ZSCAN25: variants seen among roughly 807,000 people sequenced by gnomAD.
The protein encoded by ZSCAN25 is zinc finger and SCAN domain containing 25, also known as zinc finger and SCAN domain-containing protein 25.
In ZSCAN25, 27 loss-of-function variants were observed where a neutral mutation model predicts 38.7. The observed-to-expected ratio is 0.70, with a 90% CI of 0.51 to 0.96. The LOEUF (loss-of-function observed/expected upper bound fraction) is 0.96, where lower values mean the gene tolerates loss of function less well. Among genes scored for constraint, ZSCAN25 ranks in the 40% least tolerant of loss-of-function variants. The probability of loss-of-function intolerance (pLI) is 0.00; values close to 1 mark genes in which losing one functional copy is unlikely to be tolerated. For synonymous variants in ZSCAN25, 273 were observed against 277.7 expected (o/e 0.98, Z 0.17); for missense variants, 637 against 705.9 (o/e 0.90, Z 1.11).
the ZSCAN25 span, among the ~76,000 whole-genome samples, chr7:99,679,281 A>G: frequency 2.0e-5 from 3 of 152,142 alleles, no homozygotes; most frequent in Non-Finnish European, 4.4e-5. Flanking sequence ...ACAGCTTCCC[A>G]TGAAGTCTTG....
chr7:99,713,679 G>C, the ZSCAN25 span: 2 of 1,085,372 alleles, frequency 1.8e-6, no homozygotes, highest in Admixed American at 4.2e-5. Flanking sequence ...AGTCACCAGT[G>C]AAAAGGAATA....
intron 7 of ZSCAN25, among the ~76,000 whole-genome samples, chr7:99,624,975 C>T (rs1807345031): frequency 6.6e-6 from 1 of 152,138 alleles, no homozygotes; most frequent in Non-Finnish European, 1.5e-5. Flanking sequence ...TGTTTCATAA[C>T]TTCTTTGTGA....
At chr7:99,722,353 G>C in the ZSCAN25 span, 1 of 1,613,372 alleles carries the variant, frequency 6.2e-7, no homozygotes, top group African/African-American at 1.3e-5. Flanking sequence ...ATAGCCCTGG[G>C]AGGAGAAACA....
chr7:99,680,579 C>T, the ZSCAN25 span, among the ~76,000 whole-genome samples: 1 of 152,086 alleles, frequency 6.6e-6, no homozygotes, highest in African/African-American at 2.4e-5. Context: ...ACTTTCATGA[C>T]CCTGGTTCCT....
chr7:99,647,405 G>A, the ZSCAN25 span: 1 of 814,508 alleles, frequency 1.2e-6, no homozygotes, highest in Non-Finnish European at 1.5e-6. Flanking sequence ...GAATAAAAAA[G>A]GAAAATGAAT....
intron 7 of ZSCAN25, chr7:99,624,446 T>C: frequency 2.2e-6 from 1 of 464,516 alleles, no homozygotes; most frequent in Non-Finnish European, 3.9e-6. Flanking sequence ...CTACATTGTG[T>C]CCATGATTAA....
At chr7:99,714,328 G>A in the ZSCAN25 span, among the ~76,000 whole-genome samples, 3 of 152,090 alleles carry the variant, frequency 2.0e-5, no homozygotes, top group Non-Finnish European at 4.4e-5. Flanking sequence ...ACTAATTCTT[G>A]TGCCTGATAT....
chr7:99,650,090 G>A, the ZSCAN25 span: 4 of 1,614,068 alleles, frequency 2.5e-6, no homozygotes, highest in Middle Eastern at 1.6e-4. Context: ...TCTTTACAAG[G>A]TTTGAAGGAG....
At chr7:99,674,742 C>T in the ZSCAN25 span, among the ~76,000 whole-genome samples, 3 of 152,306 alleles carry the variant, frequency 2.0e-5, no homozygotes, top group African/African-American at 4.8e-5. Flanking sequence ...AAGGGAAAGA[C>T]AAGAAAACAG....
chr7:99,649,022 C>T, the ZSCAN25 span, among the ~76,000 whole-genome samples: 1 of 152,176 alleles, frequency 6.6e-6, no homozygotes, highest in Non-Finnish European at 1.5e-5. Context: ...GCACTATTGT[C>T]ACTGAGTCAC....
At chr7:99,642,011 A>C in the ZSCAN25 span, among the ~76,000 whole-genome samples, 1 of 152,202 alleles carries the variant, frequency 6.6e-6, no homozygotes, top group African/African-American at 2.4e-5. Context: ...CATACCTGAC[A>C]GTTCTTCCTG....
the ZSCAN25 span, chr7:99,722,499 CA>C: frequency 1.1e-6 from 1 of 947,892 alleles, no homozygotes. Context: ...AGAAAGGAAA[CA>C]AAATAGAGGA....
intron 7 of ZSCAN25, among the ~76,000 whole-genome samples, chr7:99,628,929 T>C (rs759795403): frequency 1.3e-5 from 2 of 152,084 alleles, no homozygotes; most frequent in Non-Finnish European, 1.5e-5. Flanking sequence ...TAGAGGAAAT[T>C]ATTGAGCTAC....
chr7:99,623,930 A>AC, intron 6 of ZSCAN25, 127 bp from the exon 7 acceptor site: 2 of 1,354,644 alleles, frequency 1.5e-6, no homozygotes, highest in Non-Finnish European at 2.0e-6. Context: ...AGTGGCTCAA[A>AC]CAAGTGGATT....
chr7:99,695,472 T>C, the ZSCAN25 span, among the ~76,000 whole-genome samples: 1 of 152,178 alleles, frequency 6.6e-6, no homozygotes, highest in Non-Finnish European at 1.5e-5. Flanking sequence ...AAATGTTCTT[T>C]ATGGTGCTCA....
the ZSCAN25 span, chr7:99,705,146 C>A: frequency 4.0e-6 from 1 of 247,224 alleles, no homozygotes. Context: ...CAAAATAATT[C>A]CTATTTTTAT....
the ZSCAN25 span, among the ~76,000 whole-genome samples, chr7:99,721,833 T>C: frequency 6.6e-6 from 1 of 152,188 alleles, no homozygotes; most frequent in Non-Finnish European, 1.5e-5. Flanking sequence ...ATGAGTGGAT[T>C]CTCATGCTTG....
At chr7:99,705,348 G>A in the ZSCAN25 span, 2 of 834,922 alleles carry the variant, frequency 2.4e-6, no homozygotes, top group African/African-American at 1.7e-5. Flanking sequence ...CCATGAGAGA[G>A]CACAATGCAC....
the ZSCAN25 span, among the ~76,000 whole-genome samples, chr7:99,648,885 A>G: frequency 6.6e-6 from 1 of 152,194 alleles, no homozygotes; most frequent in African/African-American, 2.4e-5. Context: ...TGAACCCATC[A>G]AGTGCAATGA....
Sources: allele counts gnomAD v4.1 joint callset (sites outside exome capture counted in the v4.1 genomes callset), GRCh38; gene constraint gnomAD v4.1.1; transcripts MANE v1.5; gene names NCBI Gene and HGNC (gene_info 2026-07-23, HGNC 2026-07-21).